COL27A1: variants seen among roughly 807,000 people sequenced by gnomAD.
COL27A1 encodes the protein collagen type XXVII alpha 1 chain, also known as collagen alpha-1(XXVII) chain.
Under a neutral mutation model 251.3 loss-of-function variants are expected in COL27A1, and 106 were observed. That is an observed-to-expected ratio of 0.42 (90% confidence interval 0.36 to 0.50). The LOEUF (loss-of-function observed/expected upper bound fraction) is 0.50, where lower values mean the gene tolerates loss of function less well. Among genes scored for constraint, COL27A1 ranks in the 20% least tolerant of loss-of-function variants. The pLI is 0.00. For synonymous variants in COL27A1, 1,000 were observed against 986.3 expected, an observed-to-expected ratio of 1.01 and a Z score of -0.26; for missense variants, 2,325 against 2,522.8, an observed-to-expected ratio of 0.92 and a Z score of 1.68.
At position 114,301,461 on chromosome 9, in the gene COL27A1, G is replaced by C. The variant is rs557810272; in HGVS notation, c.4808G>C (p.Arg1603Thr). The change falls in exon 54 of 61, where the codon AGG becomes ACG. Residue 1603 changes from arginine to threonine, a missense_variant and splice_region_variant. Transcript: ENST00000356083. ...SRGDWGLQGP[R>T]GPPGPRGRPG... is the part of the protein sequence containing the mutation. ...TCCCTCCAGGGATTGCAAGGTCCGA[G>C]GGTGAGTGGGCTGGGCATGAGGGCT... 6.8e-6 allele frequency: 11 copies of C among 1,611,066 alleles called. No homozygotes were observed. In the African/African-American group the frequency reaches 1.3e-4, roughly 20 times the overall value.
At chr9:114,224,181 T>C (rs1831306766) in intron 14 of COL27A1, among the ~76,000 whole-genome samples, 1 of 152,208 alleles carries the variant, frequency 6.6e-6, no homozygotes, top group Non-Finnish European at 1.5e-5. Context: ...CCATGGGAAT[T>C]CGAGAACTCT....
In COL27A1 at chr9:114,167,846, G is replaced by A; in HGVS notation, c.291G>A (p.Glu97=). ...GTVIPAALGT[E]LALVLSLCSH... is the part of the protein sequence containing the mutation. ...TCATTCCTGCCGCCTTGGGCACAGA[G>A]CTGGCACTGGTGCTGAGCCTCTGCT... Residue 97 remains glutamate, a synonymous_variant, in exon 3 of 61, where the codon GAG becomes GAA. Transcript: ENST00000356083. 6.2e-7 allele frequency: 1 copy of A among 1,613,552 alleles called. No individual in the cohort carries two copies. Among genetic ancestry groups the A allele is most frequent in the Non-Finnish European group, 8.5e-7 (1 of 1,179,998 alleles).
rs1831408530 is a variant in COL27A1, at chr9:114,225,473, A to G, written c.2466+3206A>G. Among the ~76,000 whole-genome samples the G allele has an allele frequency of 2.6e-5, 4 of 152,328 alleles. No homozygotes were observed. In the South Asian group the frequency reaches 8.3e-4, roughly 32 times the overall value. Reference sequence around the variant, plus strand: ...CTCTCTCCTGTAACTGGGGGATCACAGGGCTGGGCCTGAGCCCATCAAATC... The same window carrying G: ...CTCTCTCCTGTAACTGGGGGATCACGGGGCTGGGCCTGAGCCCATCAAATC... On this transcript the variant is annotated intron_variant, in intron 14 of 60. Coordinates refer to ENST00000356083, the MANE Select transcript of COL27A1 (RefSeq NM_032888.4).
At chr9:114,309,963 C>T (rs1050187298) in intron 60 of COL27A1, among the ~76,000 whole-genome samples, 11 of 152,186 alleles carry the variant, frequency 7.2e-5, no homozygotes, top group African/African-American at 2.7e-4. Context: ...CCAACAATCT[C>T]GCATGAAGCT....
At chr9:114,307,468 C>CTGGGGGCTCTGCCAGT (rs1829138107) in intron 58 of COL27A1, 1 of 577,326 alleles carries the variant, frequency 1.7e-6, no homozygotes, top group Non-Finnish European at 3.1e-6. Context: ...GACCCCTCCT[C>CTGGGGGCTCTGCCAGT]TGGGGGCTCT....
intron 8 of COL27A1, among the ~76,000 whole-genome samples, chr9:114,205,420 C>G (rs188322324): frequency 6.6e-6 from 1 of 152,216 alleles, no homozygotes; most frequent in East Asian, 1.9e-4. Flanking sequence ...CTGTTCCGGG[C>G]GATGTTAGGG....
chr9:114,188,534 C>CTG (rs1001988229), intron 5 of COL27A1, among the ~76,000 whole-genome samples: 2 of 151,804 alleles, frequency 1.3e-5, no homozygotes, highest in Non-Finnish European at 2.9e-5. Flanking sequence ...GAGGATTAAA[C>CTG]TGTGTGTGTG....
In COL27A1 at chr9:114,168,634, C is replaced by T; in HGVS notation, c.1079C>T (p.Thr360Ile). The T allele has an allele frequency of 1.9e-6, 3 of 1,614,200 alleles. No homozygotes were observed. Among genetic ancestry groups the T allele is most frequent in the Non-Finnish European group, 2.5e-6 (3 of 1,180,020 alleles). The change falls in exon 3 of 61, where the codon ACA becomes ATA. Residue 360 changes from threonine (T) to isoleucine (I), a missense_variant. Physicochemically the swap from Thr to Ile is moderately conservative, Grantham distance 89. Around this residue, in one of 4 missense-constraint regions of COL27A1, gnomAD observed 1,183 missense variants for 1,144.1 expected, o/e 1.03. Transcript: ENST00000356083. ...PAAAQPSQKI[T>I]ATKIPKSLPT... Reference sequence around the variant, plus strand: ...GCCGCTCAACCATCACAGAAGATCACAGCCACCAAAATCCCCAAAAGCCTC... The same window carrying T: ...GCCGCTCAACCATCACAGAAGATCATAGCCACCAAAATCCCCAAAAGCCTC...
intron 14 of COL27A1, among the ~76,000 whole-genome samples, chr9:114,222,661 C>A (rs554219141): frequency 6.6e-6 from 1 of 152,104 alleles, no homozygotes; most frequent in African/African-American, 2.4e-5. Flanking sequence ...ATTTCACAAG[C>A]GAGGTGTTCC....
intron 14 of COL27A1, among the ~76,000 whole-genome samples, chr9:114,228,394 G>A (rs963204200): frequency 1.7e-4 from 26 of 152,368 alleles, no homozygotes; most frequent in African/African-American, 6.0e-4. Flanking sequence ...AACTCTGGGC[G>A]GGCCACCCTG....
intron 5 of COL27A1, among the ~76,000 whole-genome samples, chr9:114,187,214 G>A (rs1828415548): frequency 1.3e-5 from 2 of 152,146 alleles, no homozygotes; most frequent in Admixed American, 6.5e-5. Context: ...CTTGAGATCA[G>A]AGATGGAGTA....
At chr9:114,215,059 C>A (rs1229005005) in intron 12 of COL27A1, among the ~76,000 whole-genome samples, 3 of 152,256 alleles carry the variant, frequency 2.0e-5, no homozygotes, top group African/African-American at 7.2e-5. Context: ...TTACTCACAG[C>A]CCCTGGCCAG....
chr9:114,217,786 G>T (rs769487882), intron 12 of COL27A1: 1 of 470,946 alleles, frequency 2.1e-6, no homozygotes, highest in South Asian at 1.5e-5. Flanking sequence ...CTACCCCAAA[G>T]TTCAGAGGCC....
chr9:114,277,288 T>A (rs1197884340), intron 37 of COL27A1, among the ~76,000 whole-genome samples: 2 of 152,050 alleles, frequency 1.3e-5, no homozygotes, highest in East Asian at 3.9e-4. Flanking sequence ...AATGCCCAAA[T>A]GCACAGGCCT....
intron 15 of COL27A1, among the ~76,000 whole-genome samples, 199 bp downstream of exon 15, chr9:114,231,331 C>T (rs979809949): frequency 3.3e-5 from 5 of 152,124 alleles, no homozygotes; most frequent in Admixed American, 2.6e-4. Context: ...ATCTGTATGT[C>T]ATTTAGGCCA....
At chr9:114,265,674 G>C (rs1052025692) in intron 32 of COL27A1, among the ~76,000 whole-genome samples, 199 bp downstream of exon 32, 1 of 152,218 alleles carries the variant, frequency 6.6e-6, no homozygotes, top group African/African-American at 2.4e-5. Flanking sequence ...CCTCCAGCCT[G>C]TTTTCTTGCC....
At chr9:114,269,953 G>C (rs1301193694) in intron 35 of COL27A1, among the ~76,000 whole-genome samples, 1 of 152,178 alleles carries the variant, frequency 6.6e-6, no homozygotes, top group Non-Finnish European at 1.5e-5. Context: ...TTAATTTGAT[G>C]GCCATTTCAA....
At chr9:114,256,348 C>G (rs1378604343) in intron 27 of COL27A1, among the ~76,000 whole-genome samples, 1 of 152,136 alleles carries the variant, frequency 6.6e-6, no homozygotes, top group Non-Finnish European at 1.5e-5. Flanking sequence ...AAAAAATTAG[C>G]CGGGCATGGC....
At chr9:114,202,990 C>T (rs1311542596) in intron 7 of COL27A1, among the ~76,000 whole-genome samples, 1 of 152,090 alleles carries the variant, frequency 6.6e-6, no homozygotes, top group African/African-American at 2.4e-5. Flanking sequence ...CCATCTTAAC[C>T]AATTTTAAGT....
Sources: gnomAD v4.1 joint callset for allele counts (sites outside exome capture counted in the v4.1 genomes callset) on GRCh38, gnomAD v4.1.1 for gene constraint, gnomAD v4.1.1 regional missense constraint, MANE v1.5 for transcripts, NCBI Gene and HGNC (gene_info 2026-07-23, HGNC 2026-07-21) for gene names.